Variants in PACRG observed in about 807,000 individuals in gnomAD.
PACRG encodes the protein parkin coregulated gene protein.
Under a neutral mutation model 29.7 loss-of-function variants are expected in PACRG, and 29 were observed. The ratio of observed to expected loss-of-function variants is 0.98; its 90% CI spans 0.73 to 1.33. The LOEUF is 1.33. Among genes scored for constraint, PACRG ranks in the 40% most tolerant of loss-of-function variants. The probability of loss-of-function intolerance (pLI) is 0.00; values close to 1 mark genes in which losing one functional copy is unlikely to be tolerated. For missense variants in PACRG, 279 were observed against 316.2 expected (o/e 0.88, Z 0.89); for synonymous variants, 116 against 118.7 (o/e 0.98, Z 0.15).
At chr6:163,219,221 G>A (rs1781480602) in intron 4 of PACRG, among the ~76,000 whole-genome samples, 2 of 152,074 alleles carry the variant, frequency 1.3e-5, no homozygotes, top group African/African-American at 4.8e-5. Flanking sequence ...CTCTTTCTTG[G>A]CCATTTCCCT....
At chr6:162,834,574 T>G (rs988188974) in intron 2 of PACRG, among the ~76,000 whole-genome samples, 2 of 151,856 alleles carry the variant, frequency 1.3e-5, no homozygotes, top group African/African-American at 4.8e-5. Flanking sequence ...TCTGACATCC[T>G]TATTAAAACT....
chr6:163,226,397 T>C (rs1781798628), intron 4 of PACRG, among the ~76,000 whole-genome samples: 1 of 152,246 alleles, frequency 6.6e-6, no homozygotes, highest in Non-Finnish European at 1.5e-5. Context: ...ATGGATATGC[T>C]AATAAGCTTG....
rs781110978 is a variant in PACRG, at chr6:163,062,280, A to G, written c.422A>G (p.Lys141Arg). 19 of 1,614,112 alleles carry G rather than the reference A, an allele frequency of 1.2e-5. No individual in the cohort carries two copies. Among genetic ancestry groups the G allele is most frequent in the Non-Finnish European group, 1.4e-5 (16 of 1,179,984 alleles). Residue 141 changes from lysine to arginine, a missense_variant, in exon 3 of 5, where the codon AAG (lysine) becomes AGG (arginine). Transcript: ENST00000366888. ...GACATGCTGGAACACGGTGGGAACA[A>G]GATCCTACCTGTCCTTCCACAGCTC... ...IHDMLEHGGN[K>R]ILPVLPQLII...
intron 4 of PACRG, among the ~76,000 whole-genome samples, chr6:163,314,363 T>C (rs1447887499): frequency 6.6e-6 from 1 of 152,170 alleles, no homozygotes; most frequent in Non-Finnish European, 1.5e-5. Context: ...GAGAAAGAGT[T>C]TGCCATGTGT....
intron 4 of PACRG, among the ~76,000 whole-genome samples, chr6:163,247,769 T>G (rs143713398): frequency 4.1e-4 from 63 of 152,296 alleles, no homozygotes; most frequent in African/African-American, 1.4e-3. Context: ...ACCGTCTACC[T>G]GCCACTGTCC....
At chr6:163,166,683 A>G (rs1778828693) in intron 4 of PACRG, among the ~76,000 whole-genome samples, 1 of 152,250 alleles carries the variant, frequency 6.6e-6, no homozygotes, top group Non-Finnish European at 1.5e-5. Flanking sequence ...CATGACATGA[A>G]GTCTGAAAAA....
At chr6:162,927,259 C>G (rs546692205) in intron 2 of PACRG, among the ~76,000 whole-genome samples, 2 of 152,194 alleles carry the variant, frequency 1.3e-5, no homozygotes, top group South Asian at 4.1e-4. Flanking sequence ...CCTCAAGGAC[C>G]TAGAACCAGA....
chr6:162,834,539 C>A (rs888420208), intron 2 of PACRG, among the ~76,000 whole-genome samples: 1 of 151,878 alleles, frequency 6.6e-6, no homozygotes, highest in Admixed American at 6.6e-5. Flanking sequence ...GTATTCAATT[C>A]ACTTTTACCT....
intron 4 of PACRG, among the ~76,000 whole-genome samples, chr6:163,183,723 T>C (rs556088265): frequency 6.6e-6 from 1 of 152,352 alleles, no homozygotes; most frequent in South Asian, 2.1e-4. Context: ...AAACTTTCAC[T>C]ACAAGAAAAA....
intron 2 of PACRG, among the ~76,000 whole-genome samples, chr6:162,826,313 G>T (rs988613634): frequency 6.6e-6 from 1 of 152,050 alleles, no homozygotes; most frequent in African/African-American, 2.4e-5. Context: ...ACAAGGAAAA[G>T]ACATAAAAAT....
intron 2 of PACRG, among the ~76,000 whole-genome samples, chr6:163,014,516 G>A (rs898737751): frequency 2.4e-4 from 1 of 4,130 alleles, no homozygotes; most frequent in Non-Finnish European, 4.9e-4. Context: ...TTGCCAACAT[G>A]TATTTTTTTT....
At chr6:162,885,762 A>ACGTGCGTGTGTGTGTGTGCGTGCG (rs1562699155) in intron 2 of PACRG, among the ~76,000 whole-genome samples, 2 of 151,694 alleles carry the variant, frequency 1.3e-5, no homozygotes, top group Admixed American at 6.6e-5. Context: ...GTGTGCGTGC[A>ACGTGCGTGTGTGTGTGTGCGTGCG]CACGTGCATG....
At chr6:162,845,047 GA>G (rs1322542598) in intron 2 of PACRG, among the ~76,000 whole-genome samples, 2 of 152,038 alleles carry the variant, frequency 1.3e-5, no homozygotes, top group Non-Finnish European at 2.9e-5. Context: ...GGTTCTAGAG[GA>G]AATGATGTAA....
At chr6:162,934,682 C>T (rs1405343292) in intron 2 of PACRG, among the ~76,000 whole-genome samples, 2 of 151,978 alleles carry the variant, frequency 1.3e-5, no homozygotes, top group Admixed American at 1.3e-4. Context: ...TATTGTTTAT[C>T]TTTTCAGTCT....
At chr6:163,208,742 A>G (rs1781012479) in intron 4 of PACRG, among the ~76,000 whole-genome samples, 1 of 152,232 alleles carries the variant, frequency 6.6e-6, no homozygotes, top group Non-Finnish European at 1.5e-5. Flanking sequence ...CTTTAGACAT[A>G]CATTTCATTA....
chr6:163,096,602 C>T (rs1814615471), intron 4 of PACRG, among the ~76,000 whole-genome samples: 1 of 152,068 alleles, frequency 6.6e-6, no homozygotes, highest in Non-Finnish European at 1.5e-5. Flanking sequence ...AATTTAAAAA[C>T]CAAGTTACTG....
intron 2 of PACRG, among the ~76,000 whole-genome samples, chr6:162,925,299 CCCTAACTCATTTTATGAGG>C (rs1487491455): frequency 2.0e-5 from 3 of 152,136 alleles, no homozygotes; most frequent in African/African-American, 7.2e-5. Flanking sequence ...AGGGACTTCT[CCCTAACTCATTTTATGAGG>C]CCAGTATCAT....
rs771138556 is a variant in PACRG, at chr6:162,728,325, G to C, written c.90G>C (p.Pro30=). 92 of 1,613,944 alleles carry C rather than the reference G, an allele frequency of 5.7e-5. No homozygotes were observed. Among genetic ancestry groups the C allele is most frequent in the Non-Finnish European group, 7.7e-5 (91 of 1,180,032 alleles). The change falls in exon 1 of 5, where the codon CCG becomes CCC. Residue 30 remains proline (P), a synonymous_variant. Coordinates refer to ENST00000366888, the MANE Select transcript of PACRG (RefSeq NM_001080379.2). Reference sequence around the variant, plus strand: ...AGCTGCTGGCACAACAGCCGCTCCCGGTGCACCAGCCTCACTCTCTGGTTT... The same window carrying C: ...AGCTGCTGGCACAACAGCCGCTCCCCGTGCACCAGCCTCACTCTCTGGTTT... The part of the protein sequence containing the change: ...RTKLLAQQPL[P]VHQPHSLVSE...
intron 4 of PACRG, among the ~76,000 whole-genome samples, chr6:163,100,511 G>A (rs1308389897): frequency 6.6e-6 from 1 of 152,128 alleles, no homozygotes; most frequent in African/African-American, 2.4e-5. Flanking sequence ...AGGACACCAA[G>A]GCACGTCCCG....
Sources: allele counts gnomAD v4.1 joint callset (sites outside exome capture counted in the v4.1 genomes callset), GRCh38; gene constraint gnomAD v4.1.1; transcripts MANE v1.5; gene names NCBI Gene and HGNC (gene_info 2026-07-23, HGNC 2026-07-21).